The following RXRA variants were observed in gnomAD, a reference collection of about 807,000 sequenced individuals.
RXRA encodes retinoic acid receptor RXR-alpha.
RXRA carries 5 observed loss-of-function variants against 44.5 expected under a neutral mutation model. The ratio of observed to expected loss-of-function variants is 0.11; its 90% CI spans 0.06 to 0.24. The LOEUF is 0.24. Among genes scored for constraint, RXRA ranks in the 10% least tolerant of loss-of-function variants. RXRA has a pLI of 1.00. For missense variants in RXRA, 412 were observed against 646.5 expected (o/e 0.64, Z 3.93); for synonymous variants, 291 against 271.4 (o/e 1.07, Z -0.71).
At chr9:134,379,458 G>C (rs917717193) in intron 1 of RXRA, 1 of 987,138 alleles carries the variant, frequency 1.0e-6, no homozygotes, top group African/African-American at 1.7e-5. Context: ...CTGTGTCCGG[G>C]AAGTGGAGGA....
intron 7 of RXRA, among the ~76,000 whole-genome samples, chr9:134,430,788 C>T (rs34129941): frequency 0.013 from 2,034 of 152,260 alleles, 37 homozygotes; most frequent in African/African-American, 0.046. Context: ...AGAGAGATGG[C>T]GATGACAGAG....
At chr9:134,418,909 T>C (rs1462805149) in intron 5 of RXRA, among the ~76,000 whole-genome samples, 1 of 152,150 alleles carries the variant, frequency 6.6e-6, no homozygotes, top group East Asian at 1.9e-4. Context: ...TGTCTGAGGG[T>C]GGGGGTCTGC....
chr9:134,353,629 G>A (rs568484636), intron 1 of RXRA, among the ~76,000 whole-genome samples: 17 of 152,332 alleles, frequency 1.1e-4, no homozygotes, highest in African/African-American at 3.8e-4. Flanking sequence ...CGGGGAGGAC[G>A]TTGGCAGCTT....
chr9:134,344,788 T>C (rs1830130487), intron 1 of RXRA, among the ~76,000 whole-genome samples: 1 of 152,240 alleles, frequency 6.6e-6, no homozygotes, highest in Admixed American at 6.5e-5. Context: ...TCTGTCTGTG[T>C]GCTGCCTTCC....
At chr9:134,394,290 A>G (rs1403594097) in intron 1 of RXRA, among the ~76,000 whole-genome samples, 1 of 124,734 alleles carries the variant, frequency 8.0e-6, no homozygotes, top group Non-Finnish European at 1.7e-5. Flanking sequence ...GACAGTGCAG[A>G]TGTGTCATTG....
At chr9:134,431,830 T>G in intron 7 of RXRA, 75 bp from the exon 8 acceptor site, 1 of 1,193,036 alleles carries the variant, frequency 8.4e-7, no homozygotes, top group East Asian at 2.4e-5. Context: ...TCCAGAGGCC[T>G]TGGGTATCTG....
chr9:134,412,482 A>T (rs1193127923), intron 4 of RXRA, among the ~76,000 whole-genome samples: 1 of 152,156 alleles, frequency 6.6e-6, no homozygotes, highest in Non-Finnish European at 1.5e-5. Flanking sequence ...GCAAAGGCCC[A>T]CTCTGGCTCT....
intron 1 of RXRA, among the ~76,000 whole-genome samples, chr9:134,397,200 T>C (rs1379131852): frequency 1.3e-5 from 2 of 152,158 alleles, no homozygotes; most frequent in African/African-American, 4.8e-5. Context: ...CCCTCTGGGG[T>C]GTGAGTGTCC....
At chr9:134,393,638 T>C (rs928842349) in intron 1 of RXRA, among the ~76,000 whole-genome samples, 2 of 152,178 alleles carry the variant, frequency 1.3e-5, no homozygotes, top group African/African-American at 4.8e-5. Flanking sequence ...ATGGTGGGCT[T>C]CTCAGGGGAG....
rs765447006 is a variant in RXRA, at chr9:134,408,197, C to A, written c.328C>A (p.Pro110Thr). Residue 110 changes from proline (P) to threonine (T), a missense_variant, in exon 3 of 10, where the codon CCC becomes ACC. Pro to Thr is a conservative substitution (Grantham distance 38). Coordinates refer to ENST00000481739, the MANE Select transcript of RXRA (RefSeq NM_002957.6). Reference sequence around the variant, plus strand: ...CAGCAGCAGCGAGGACATCAAGCCCCCCCTGGGCCTCAATGGCGTCCTCAA... The same window carrying A: ...CAGCAGCAGCGAGGACATCAAGCCCACCCTGGGCCTCAATGGCGTCCTCAA... ...PVSSSEDIKPPLGLNGVLKVP... is the reference protein window; with the variant it reads ...PVSSSEDIKPTLGLNGVLKVP... 6.2e-7 allele frequency: 1 copy of A among 1,605,746 alleles called. No homozygotes were observed. Among genetic ancestry groups the A allele is most frequent in the East Asian group, 2.2e-5 (1 of 44,656 alleles).
In RXRA at chr9:134,406,926, A is replaced by G. The variant is rs866773565; in HGVS notation, c.280-1223A>G. Among the ~76,000 whole-genome samples the G allele has an allele frequency of 2.6e-5, 4 of 152,284 alleles. No individual in the cohort carries two copies. The South Asian group carries it at 8.3e-4, about 32-fold the overall frequency. On this transcript the variant is annotated intron_variant, in intron 2 of 9. Transcript: ENST00000481739. ...TGAGAAGCGCACCTGCTGCCTGTGG[A>G]CATGAACACTGGGCATTTGGTGAGT...
chr9:134,425,795 G>T (rs764593188), intron 6 of RXRA: 1 of 985,298 alleles, frequency 1.0e-6, no homozygotes, highest in East Asian at 1.1e-4. Context: ...AGCCCCATGG[G>T]GACAGCAGCC....
chr9:134,391,235 G>A (rs998495387), intron 1 of RXRA, among the ~76,000 whole-genome samples: 19 of 152,134 alleles, frequency 1.2e-4, no homozygotes, highest in South Asian at 4.1e-4. Flanking sequence ...CCTCTGGCAT[G>A]GAGCTGGCCA....
intron 1 of RXRA, among the ~76,000 whole-genome samples, chr9:134,364,639 T>C (rs528301881): frequency 2.5e-4 from 38 of 152,194 alleles, no homozygotes; most frequent in Non-Finnish European, 5.3e-4. Flanking sequence ...GGGGTGTGGA[T>C]ATGGCAGAGC....
At chr9:134,327,270 C>T (rs1185053741) in intron 1 of RXRA, among the ~76,000 whole-genome samples, 1 of 152,144 alleles carries the variant, frequency 6.6e-6, no homozygotes, top group African/African-American at 2.4e-5. Context: ...TGGGGCCCCT[C>T]ACTCTGGCAC....
chr9:134,392,303 G>A (rs181542688), intron 1 of RXRA, among the ~76,000 whole-genome samples: 3 of 151,928 alleles, frequency 2.0e-5, no homozygotes, highest in African/African-American at 7.3e-5. Context: ...CAGCAGATGG[G>A]TGGTCTGCTC....
intron 9 of RXRA, among the ~76,000 whole-genome samples, chr9:134,435,019 G>T (rs1007809421): frequency 5.3e-5 from 8 of 152,290 alleles, no homozygotes; most frequent in Admixed American, 2.6e-4. Flanking sequence ...AGGACAGGAG[G>T]GGGTGGCAGG....
chr9:134,401,445 C>A, intron 1 of RXRA, 187 bp from the exon 2 acceptor site: 1 of 876,180 alleles, frequency 1.1e-6, no homozygotes, highest in Non-Finnish European at 1.8e-6. Flanking sequence ...TGGAGGGGAG[C>A]TCTGGGCACA....
Position 134,429,226 on chromosome 9 carries a change from C to A in RXRA, c.1029C>A (p.Gly343=). 3 of 1,612,286 alleles carry A rather than the reference C, an allele frequency of 1.9e-6. No individual in the cohort carries two copies. In the South Asian group the frequency reaches 3.3e-5, roughly 18 times the overall value. The change falls in exon 7 of 10, where the codon GGC becomes GGA. Residue 343 remains glycine (G), a synonymous_variant. Transcript: ENST00000481739. ...ACAGCGCCCACAGCGCAGGGGTGGGCGCCATCTTTGACAGGTGGGGGTGGT... is the reference window on the plus strand; with the variant it reads ...ACAGCGCCCACAGCGCAGGGGTGGGAGCCATCTTTGACAGGTGGGGGTGGT... ...HRNSAHSAGV[G]AIFDRVLTEL...
Sources: allele counts gnomAD v4.1 joint callset (sites outside exome capture counted in the v4.1 genomes callset), GRCh38; gene constraint gnomAD v4.1.1; transcripts MANE v1.5; gene names NCBI Gene and HGNC (gene_info 2026-07-23, HGNC 2026-07-21).